Variants in USP12 observed in about 807,000 individuals in gnomAD.
USP12 encodes the protein ubiquitin specific peptidase 12.
A neutral mutation model predicts 45.5 loss-of-function variants in USP12; 19 were observed. The ratio of observed to expected loss-of-function variants is 0.42; its 90% CI spans 0.29 to 0.61. The LOEUF (loss-of-function observed/expected upper bound fraction) is 0.61. Ranked by LOEUF, USP12 falls within the 20% of genes least tolerant of loss-of-function variation. USP12 has a pLI of 0.22. For synonymous variants in USP12, 149 were observed against 148.8 expected, an observed-to-expected ratio of 1.00 and a Z score of -0.01; for missense variants, 242 against 447.7, an observed-to-expected ratio of 0.54 and a Z score of 4.15.
chr13:27,166,627 TATAAA>T (rs991665632), intron 1 of USP12, among the ~76,000 whole-genome samples: 1 of 152,298 alleles, frequency 6.6e-6, no homozygotes, highest in South Asian at 2.1e-4. Context: ...AGCCATATGA[TATAAA>T]ATAAGACCAT....
At chr13:27,103,896 T>G (rs1230078886) in intron 3 of USP12, among the ~76,000 whole-genome samples, 1 of 152,130 alleles carries the variant, frequency 6.6e-6, no homozygotes, top group Non-Finnish European at 1.5e-5. Flanking sequence ...GTATTTTACC[T>G]CTGTTCAGCA....
chr13:27,126,383 G>A (rs142405785), intron 1 of USP12, among the ~76,000 whole-genome samples: 116 of 152,330 alleles, frequency 7.6e-4, no homozygotes, highest in African/African-American at 2.6e-3. Flanking sequence ...CTGCAGCTGA[G>A]GGGCCTGTGA....
intron 1 of USP12, among the ~76,000 whole-genome samples, chr13:27,134,086 G>A (rs1219874211): frequency 1.3e-5 from 2 of 152,228 alleles, no homozygotes; most frequent in Admixed American, 1.3e-4. Context: ...CAAGGCTGCA[G>A]TGAGCTATGA....
rs1872983948 is a variant in USP12, at chr13:27,066,203, C to T, written c.*3080G>A. On this transcript the variant is annotated 3_prime_UTR_variant, in exon 9 of 9. Transcript: ENST00000282344. ...GATATTATTTTGTATTTATATAGTGCCTTCTTCAAGAACCTTAAATGCTTT... is the reference window on the plus strand; with the variant it reads ...GATATTATTTTGTATTTATATAGTGTCTTCTTCAAGAACCTTAAATGCTTT... 1 of 152,276 alleles carries T rather than the reference C, an allele frequency of 6.6e-6. No homozygotes were observed. Among genetic ancestry groups the T allele is most frequent in the African/African-American group, 2.4e-5 (1 of 41,542 alleles). The allele number at this position is 152,276 out of a possible 1,614,324, so 9.4% of individuals were successfully genotyped here. A position where few individuals can be genotyped will look rare whatever the true frequency, so the allele number is the denominator to read the frequency against.
chr13:27,122,810 G>T (rs1042700372), intron 1 of USP12, among the ~76,000 whole-genome samples: 2 of 151,994 alleles, frequency 1.3e-5, no homozygotes, highest in Non-Finnish European at 2.9e-5. Context: ...AACAGGAAAC[G>T]TGGCCAGGCG....
At chr13:27,095,448 A>G (rs1565987616) in intron 4 of USP12, among the ~76,000 whole-genome samples, 153 bp downstream of exon 4, 1 of 152,248 alleles carries the variant, frequency 6.6e-6, no homozygotes, top group East Asian at 1.9e-4. Context: ...TTAAGAATAC[A>G]GACAGATTCC....
At chr13:27,167,509 A>T (rs1387200713) in intron 1 of USP12, among the ~76,000 whole-genome samples, 1 of 152,026 alleles carries the variant, frequency 6.6e-6, no homozygotes, top group Non-Finnish European at 1.5e-5. Flanking sequence ...ACATTTATGT[A>T]ATAGAAGATT....
At chr13:27,123,088 T>C (rs1208968791) in intron 1 of USP12, among the ~76,000 whole-genome samples, 3 of 22,976 alleles carry the variant, frequency 1.3e-4, no homozygotes, top group Non-Finnish European at 1.7e-4. Flanking sequence ...TGAGAGTCCA[T>C]CTCAAAAAAA....
At chr13:27,132,816 A>G (rs1007036180) in intron 1 of USP12, among the ~76,000 whole-genome samples, 5 of 152,244 alleles carry the variant, frequency 3.3e-5, no homozygotes, top group Non-Finnish European at 7.3e-5. Flanking sequence ...CTCCTCAGAC[A>G]AAAGATCACC....
intron 1 of USP12, among the ~76,000 whole-genome samples, chr13:27,124,945 A>G (rs1876157554): frequency 6.6e-6 from 1 of 152,246 alleles, no homozygotes; most frequent in Admixed American, 6.5e-5. Flanking sequence ...AAGAGTATCA[A>G]AGTAGTAGGC....
At chr13:27,094,019 G>A (rs1416316380) in intron 4 of USP12, among the ~76,000 whole-genome samples, 1 of 152,106 alleles carries the variant, frequency 6.6e-6, no homozygotes, top group African/African-American at 2.4e-5. Context: ...TTTCTTGCTT[G>A]TGGACCCTAT....
chr13:27,163,768 T>TAAAAAAA lies in USP12; in HGVS notation c.48+7817_48+7823dup, dbSNP rs34384911. Among the ~76,000 whole-genome samples, 257 of 83,220 alleles carry TAAAAAAA rather than the reference T, an allele frequency of 3.1e-3. 1 individual carries two copies. The highest frequency in any genetic ancestry group is 5.4e-3 in the Non-Finnish European group (230 of 42,772). The allele number at this position is 83,220 out of a possible 152,430, so 54.6% of individuals were successfully genotyped here. ...CTGAGCAATAGAGCAAGACCTGTCT[T>TAAAAAAA]AAAAAAAAAAAAAAAAAGAAAAAAA... is the stretch of plus-strand genomic sequence containing the variant. On this transcript the variant is annotated intron_variant, in intron 1 of 8. Coordinates refer to ENST00000282344, the MANE Select transcript of USP12 (RefSeq NM_182488.4).
chr13:27,155,066 CTTTTTTTTTTTTT>C (rs71083634), intron 1 of USP12, among the ~76,000 whole-genome samples: 5 of 57,656 alleles, frequency 8.7e-5, no homozygotes, highest in East Asian at 6.7e-4. Context: ...ATGTCCACAA[CTTTTTTTTTTTTT>C]TTTTTTTTTT....
At chr13:27,133,365 C>T (rs1876603389) in intron 1 of USP12, among the ~76,000 whole-genome samples, 1 of 152,214 alleles carries the variant, frequency 6.6e-6, no homozygotes, top group Non-Finnish European at 1.5e-5. Context: ...GTAGTCTACT[C>T]TTCCCAGAAT....
intron 2 of USP12, among the ~76,000 whole-genome samples, chr13:27,115,172 C>T (rs1347585566): frequency 2.0e-5 from 3 of 152,094 alleles, no homozygotes; most frequent in Non-Finnish European, 2.9e-5. Flanking sequence ...AAAGACAAAG[C>T]GTCCTCTGAT....
At chr13:27,090,044 T>C in intron 5 of USP12, 38 bp downstream of exon 5, 1 of 1,571,628 alleles carries the variant, frequency 6.4e-7, no homozygotes, top group Non-Finnish European at 8.7e-7. Context: ...AGACTAAAAA[T>C]AATTATTAAA....
rs1482728334 is a variant in USP12, at chr13:27,066,552, A to C, written c.*2731T>G. The C allele has an allele frequency of 6.6e-6, 1 of 152,218 alleles. No homozygotes were observed. Among genetic ancestry groups the C allele is most frequent in the Non-Finnish European group, 1.5e-5 (1 of 68,036 alleles). 9.4% of individuals were successfully genotyped at this position (152,218 alleles called of 1,614,324 possible). ...GAGGCCCCAAGACCCACATAATACA[A>C]CATTTCCCTCTTTCCCTGTTCCCAA... On this transcript the variant is annotated 3_prime_UTR_variant, in exon 9 of 9. Coordinates refer to ENST00000282344, the MANE Select transcript of USP12 (RefSeq NM_182488.4).
In USP12 at chr13:27,127,916, C is replaced by T. The variant is rs548126625; in HGVS notation, c.49-11320G>A. Among the ~76,000 whole-genome samples the T allele has an allele frequency of 6.6e-5, 10 of 152,274 alleles. No homozygotes were observed. In the South Asian group the frequency reaches 2.1e-3, roughly 32 times the overall value. Reference sequence around the variant, plus strand: ...TATAATTCACTGCTAAATAACTAAGCCAAAACCAACAGGCATGTAATTTTA... The same window carrying T: ...TATAATTCACTGCTAAATAACTAAGTCAAAACCAACAGGCATGTAATTTTA... On this transcript the variant is annotated intron_variant, in intron 1 of 8. Transcript: ENST00000282344.
intron 2 of USP12, among the ~76,000 whole-genome samples, chr13:27,114,779 A>C (rs1268044588): frequency 6.6e-6 from 1 of 152,026 alleles, no homozygotes; most frequent in Non-Finnish European, 1.5e-5. Context: ...TAAAAAAAAA[A>C]AAAAAACAAA....
Sources: allele counts gnomAD v4.1 joint callset (sites outside exome capture counted in the v4.1 genomes callset), GRCh38; gene constraint gnomAD v4.1.1; transcripts MANE v1.5; gene names NCBI Gene and HGNC (gene_info 2026-07-23, HGNC 2026-07-21).